CD79A: variants seen among roughly 807,000 people sequenced by gnomAD.
CD79A encodes CD79a molecule.
CD79A carries 16 observed loss-of-function variants against 27.4 expected under a neutral mutation model. The ratio of observed to expected loss-of-function variants is 0.58; its 90% CI spans 0.40 to 0.89. The LOEUF (loss-of-function observed/expected upper bound fraction) is 0.89, where lower values mean the gene tolerates loss of function less well. CD79A is among the 40% of genes least tolerant of loss of function. CD79A has a pLI of 0.00. For missense variants in CD79A, 237 were observed against 299.7 expected (o/e 0.79, Z 1.55); for synonymous variants, 110 against 132.7 (o/e 0.83, Z 1.18).
In CD79A at chr19:41,877,928, T is replaced by A. The variant is rs1404713805; in HGVS notation, c.79+545T>A. Among the ~76,000 whole-genome samples, 3 of 152,126 alleles carry A rather than the reference T, an allele frequency of 2.0e-5. No individual in the cohort carries two copies. Among genetic ancestry groups the A allele is most frequent in the Non-Finnish European group, 4.4e-5 (3 of 67,988 alleles). ...AAAGGTTCCCCACCCAAGGGGACAC[T>A]GGGAGCAAGGATTGGAGTTCACGTC... On this transcript the variant is annotated intron_variant, in intron 1 of 4. Coordinates refer to ENST00000221972, the MANE Select transcript of CD79A (RefSeq NM_001783.4). This position sits in a 1 kb window ranked among gnomAD's most constrained non-coding sequence, Gnocchi z 4.1.
At position 41,877,973 on chromosome 19, in the gene CD79A, G is replaced by A. The variant is rs141354284; in HGVS notation, c.79+590G>A. 2.8e-4 allele frequency among the ~76,000 whole-genome samples: 43 copies of A among 152,254 alleles called. No individual in the cohort carries two copies. In the East Asian group the frequency reaches 7.5e-3, roughly 27 times the overall value. ...CACGTCTGAGTCTTAAGCCCGTGAC[G>A]ATGAGGGTGCTCGGCCCCTCTCCCC... On this transcript the variant is annotated intron_variant, in intron 1 of 4. Coordinates refer to ENST00000221972, the MANE Select transcript of CD79A (RefSeq NM_001783.4). The surrounding 1 kb of genome is among the most constrained non-coding windows in gnomAD (Gnocchi z 4.1).
chr19:41,879,396 G>C lies in CD79A; in HGVS notation c.379+107G>C, dbSNP rs138971268. The C allele has an allele frequency of 2.0e-5, 26 of 1,299,682 alleles. No individual in the cohort carries two copies. In the African/African-American group the frequency reaches 2.9e-4, roughly 15 times the overall value. 80.5% of individuals were successfully genotyped at this position (1,299,682 alleles called of 1,614,324 possible). ...TACCTTCAATGTGGGTTTCAAACCG[G>C]CTTGGACAGAGGGACGGACATTCTC... On this transcript the variant is annotated intron_variant, in intron 2 of 4. Coordinates refer to ENST00000221972, the MANE Select transcript of CD79A (RefSeq NM_001783.4). The surrounding 1 kb of genome is among the most constrained non-coding windows in gnomAD (Gnocchi z 5.1).
Position 41,880,752 on chromosome 19 carries a change from G to A in CD79A, c.567+14G>A. Reference sequence around the variant, plus strand: ...AACCTTTATGAAGTGAGTGAAGGGTGGGGATGGGGTAGGGGCAGTTGTGTT... The same window carrying A: ...AACCTTTATGAAGTGAGTGAAGGGTAGGGATGGGGTAGGGGCAGTTGTGTT... On this transcript the variant is annotated intron_variant, in intron 4 of 4. Transcript: ENST00000221972. The A allele has an allele frequency of 1.3e-6, 2 of 1,546,060 alleles. No homozygotes were observed. The highest frequency in any genetic ancestry group is 1.8e-6 in the Non-Finnish European group (2 of 1,142,016).
rs2074222233 is a variant in CD79A at position 41,881,133 on chromosome 19, C to T, written c.*153C>T. 1 of 688,066 alleles carries T rather than the reference C, an allele frequency of 1.5e-6. No homozygotes were observed. The highest frequency in any genetic ancestry group is 2.6e-6 in the Non-Finnish European group (1 of 379,602). The allele number at this position is 688,066 out of a possible 1,614,324, so 42.6% of individuals were successfully genotyped here. On this transcript the variant is annotated 3_prime_UTR_variant, in exon 5 of 5. Transcript: ENST00000221972. ...GGTGGGAGGGTAACCTCACTCTTCT[C>T]CAGGCCAGGCCTCCTTGGACTCCCC... is the stretch of plus-strand genomic sequence containing the variant.
At position 41,878,027 on chromosome 19, in the gene CD79A, TC is replaced by T. The variant is rs1555843230; in HGVS notation, c.79+647del. Among the ~76,000 whole-genome samples the T allele has an allele frequency of 6.6e-6, 1 of 152,012 alleles. No homozygotes were observed. The highest frequency in any genetic ancestry group is 2.4e-5 in the African/African-American group (1 of 41,380). ...TCTTCCTCCTTCTCTCTTCCTCACC[TC>T]CCTCCTCCACCTACCTCCAGAAGAG... On this transcript the variant is annotated intron_variant, in intron 1 of 4. Transcript: ENST00000221972. This position sits in a 1 kb window ranked among gnomAD's most constrained non-coding sequence, Gnocchi z 4.3.
Position 41,878,305 on chromosome 19 carries a change from T to C in CD79A, c.80-685T>C, listed in dbSNP as rs782223887. On this transcript the variant is annotated intron_variant, in intron 1 of 4. Transcript: ENST00000221972. This position sits in a 1 kb window ranked among gnomAD's most constrained non-coding sequence, Gnocchi z 4.3. ...TCACAGGCCAGGGCAGGCCACAGAC[T>C]GGCTCCTCAGCCCAGGCAGGGAGAG... Among the ~76,000 whole-genome samples the C allele has an allele frequency of 6.6e-6, 1 of 152,160 alleles. No individual in the cohort carries two copies. Among genetic ancestry groups the C allele is most frequent in the Non-Finnish European group, 1.5e-5 (1 of 68,018 alleles).
At position 41,879,721 on chromosome 19, in the gene CD79A, T is replaced by C. The variant is rs113506927; in HGVS notation, c.498+68T>C. The C allele has an allele frequency of 7.9e-4, 821 of 1,042,852 alleles. 2 individuals are homozygous for C. In the African/African-American group the frequency reaches 0.012, roughly 15 times the overall value. 64.6% of individuals were successfully genotyped at this position (1,042,852 alleles called of 1,614,324 possible). On this transcript the variant is annotated intron_variant, in intron 3 of 4. Coordinates refer to ENST00000221972, the MANE Select transcript of CD79A (RefSeq NM_001783.4). This position sits in a 1 kb window ranked among gnomAD's most constrained non-coding sequence, Gnocchi z 5.1. ...GGCCGAGGGACCCCCAATACCCAGGTAGCCCTCTAGAGCCTGAGGTTCCCC... is the reference window on the plus strand; with the variant it reads ...GGCCGAGGGACCCCCAATACCCAGGCAGCCCTCTAGAGCCTGAGGTTCCCC...
At position 41,878,583 on chromosome 19, in the gene CD79A, G is replaced by C. The variant is rs1000345480; in HGVS notation, c.80-407G>C. Among the ~76,000 whole-genome samples the C allele has an allele frequency of 7.2e-5, 11 of 152,182 alleles. No homozygotes were observed. Among genetic ancestry groups the C allele is most frequent in the African/African-American group, 2.7e-4 (11 of 41,432 alleles). ...GCCTGCACTGCTTCTGGAAGGAGCT[G>C]TCTGGACAGCGGTCCTCCAGTGCCT... On this transcript the variant is annotated intron_variant, in intron 1 of 4. Transcript: ENST00000221972. The surrounding 1 kb of genome is among the most constrained non-coding windows in gnomAD (Gnocchi z 4.3).
chr19:41,878,145 C>T lies in CD79A; in HGVS notation c.79+762C>T, dbSNP rs1371371744. On this transcript the variant is annotated intron_variant, in intron 1 of 4. Coordinates refer to ENST00000221972, the MANE Select transcript of CD79A (RefSeq NM_001783.4). The surrounding 1 kb of genome is among the most constrained non-coding windows in gnomAD (Gnocchi z 4.3). ...GCAGCCAGCCTGAGCCGCCTCGTCT[C>T]ACTCAGAGACACCCCCAGTCTCCAC... Among the ~76,000 whole-genome samples the T allele has an allele frequency of 6.6e-6, 1 of 152,084 alleles. No individual in the cohort carries two copies. Among genetic ancestry groups the T allele is most frequent in the Non-Finnish European group, 1.5e-5 (1 of 68,024 alleles).
rs2123301467 is a variant in CD79A at position 41,877,328 on chromosome 19, C to T, written c.24C>T (p.Leu8=). 1 of 1,614,180 alleles carries T rather than the reference C, an allele frequency of 6.2e-7. No homozygotes were observed. The highest frequency in any genetic ancestry group is 8.5e-7 in the Non-Finnish European group (1 of 1,180,010). The part of the protein sequence containing the change: MPGGPGV[L]QALPATIFLL... ...AGATGCCTGGGGGTCCAGGAGTCCTCCAAGCTCTGCCTGCCACCATCTTCC... is the reference window on the plus strand; with the variant it reads ...AGATGCCTGGGGGTCCAGGAGTCCTTCAAGCTCTGCCTGCCACCATCTTCC... Residue 8 remains leucine, a synonymous_variant, in exon 1 of 5, where the codon CTC becomes CTT. Coordinates refer to ENST00000221972, the MANE Select transcript of CD79A (RefSeq NM_001783.4). The surrounding 1 kb of genome is among the most constrained non-coding windows in gnomAD (Gnocchi z 4.1).
At position 41,880,721 on chromosome 19, in the gene CD79A, G is replaced by C. The variant is rs1555844087; in HGVS notation, c.550G>C (p.Asp184His). 6.1e-6 allele frequency: 8 copies of C among 1,312,648 alleles called. No individual in the cohort carries two copies. The highest frequency in any genetic ancestry group is 8.0e-6 in the Non-Finnish European group (8 of 995,916). 81.3% of individuals were successfully genotyped at this position (1,312,648 alleles called of 1,614,324 possible). Reference sequence around the variant, plus strand: ...GTTGGATGCCGGGGATGAATATGAAGATGAAAACCTTTATGAAGTGAGTGA... The same window carrying C: ...GTTGGATGCCGGGGATGAATATGAACATGAAAACCTTTATGAAGTGAGTGA... ...LGLDAGDEYEDENLYEGLNLD... is the reference protein window; with the variant it reads ...LGLDAGDEYEHENLYEGLNLD... Residue 184 changes from aspartate (D) to histidine (H), a missense_variant, in exon 4 of 5, where the codon GAT becomes CAT. By Grantham distance (81) the Asp-to-His change is moderately conservative. Coordinates refer to ENST00000221972, the MANE Select transcript of CD79A (RefSeq NM_001783.4).
rs1298033011 is a variant in CD79A, at chr19:41,878,775, C to T, written c.80-215C>T. Among the ~76,000 whole-genome samples the T allele has an allele frequency of 6.6e-6, 1 of 152,056 alleles. No homozygotes were observed. Among genetic ancestry groups the T allele is most frequent in the Admixed American group, 6.6e-5 (1 of 15,264 alleles). ...CCAGGATATCCTCACCCACCCCAAC[C>T]AGGTATGTCCTCTCTCCTTCCCAGG... On this transcript the variant is annotated intron_variant, in intron 1 of 4. Coordinates refer to ENST00000221972, the MANE Select transcript of CD79A (RefSeq NM_001783.4). This position sits in a 1 kb window ranked among gnomAD's most constrained non-coding sequence, Gnocchi z 4.3.
chr19:41,879,521 C>G lies in CD79A; in HGVS notation c.380-14C>G. On this transcript the variant is annotated splice_polypyrimidine_tract_variant and intron_variant, in intron 2 of 4. Coordinates refer to ENST00000221972, the MANE Select transcript of CD79A (RefSeq NM_001783.4). The surrounding 1 kb of genome is among the most constrained non-coding windows in gnomAD (Gnocchi z 5.1). The stretch of plus-strand genomic sequence containing the variant: ...AGAGGGGCCAGGGCTCTGAGCCATA[C>G]TACCTCCTTGCAGAGCCGCCCCCCA... The G allele has an allele frequency of 6.4e-7, 1 of 1,569,540 alleles. No homozygotes were observed. Among genetic ancestry groups the G allele is most frequent in the Non-Finnish European group, 8.7e-7 (1 of 1,145,720 alleles).
chr19:41,880,806 G>A, intron 4 of CD79A, 61 bp from the exon 5 acceptor site: 1 of 1,495,104 alleles, frequency 6.7e-7, no homozygotes, highest in Non-Finnish European at 9.2e-7. Context: ...TCTGGGGGTG[G>A]CTGGGGGCAG....
At position 41,877,881 on chromosome 19, in the gene CD79A, G is replaced by A. The variant is rs1229517964; in HGVS notation, c.79+498G>A. The stretch of plus-strand genomic sequence containing the variant: ...GACAGCTGGCAGGGGCTGTGGCCAC[G>A]CTAACCCAGGAGTTCAGAGAAAAAG... On this transcript the variant is annotated intron_variant, in intron 1 of 4. Transcript: ENST00000221972. This position sits in a 1 kb window ranked among gnomAD's most constrained non-coding sequence, Gnocchi z 4.1. Among the ~76,000 whole-genome samples, 5 of 152,244 alleles carry A rather than the reference G, an allele frequency of 3.3e-5. No individual in the cohort carries two copies. The highest frequency in any genetic ancestry group is 2.1e-4 in the South Asian group (1 of 4,820).
rs1196784671 is a variant in CD79A, at chr19:41,879,938, C to T, written c.498+285C>T. The stretch of plus-strand genomic sequence containing the variant: ...ATTCTTCTCCCTAAGAGTGTCCTCA[C>T]TCCCCTCCTGCCCTCACCCAGGAGT... On this transcript the variant is annotated intron_variant, in intron 3 of 4. Coordinates refer to ENST00000221972, the MANE Select transcript of CD79A (RefSeq NM_001783.4). This position sits in a 1 kb window ranked among gnomAD's most constrained non-coding sequence, Gnocchi z 5.1. Among the ~76,000 whole-genome samples, 2 of 152,158 alleles carry T rather than the reference C, an allele frequency of 1.3e-5. No homozygotes were observed. The highest frequency in any genetic ancestry group is 3.9e-4 in the East Asian group (2 of 5,194).
At position 41,879,608 on chromosome 19, in the gene CD79A, C is replaced by T. The variant is rs1349692713; in HGVS notation, c.453C>T (p.Ile151=). Residue 151 remains isoleucine (I), a synonymous_variant, in exon 3 of 5, where the codon ATC becomes ATT. Transcript: ENST00000221972. This position sits in a 1 kb window ranked among gnomAD's most constrained non-coding sequence, Gnocchi z 5.1. ...KNRIITAEGI[I]LLFCAVVPGT... ...GAATCATCACAGCCGAGGGGATCAT[C>T]CTCCTGTTCTGCGCGGTGGTGCCTG... The T allele has an allele frequency of 4.3e-6, 7 of 1,612,336 alleles. No homozygotes were observed. Among genetic ancestry groups the T allele is most frequent in the Admixed American group, 1.7e-5 (1 of 59,852 alleles).
rs547270982 is a variant in CD79A at position 41,878,686 on chromosome 19, C to T, written c.80-304C>T. ...TATGCGGGAGGGGGGCAAGAGATGGCGCTGCAGAGGTGAGAAGGGCCTCCC... is the reference window on the plus strand; with the variant it reads ...TATGCGGGAGGGGGGCAAGAGATGGTGCTGCAGAGGTGAGAAGGGCCTCCC... On this transcript the variant is annotated intron_variant, in intron 1 of 4. Transcript: ENST00000221972. The surrounding 1 kb of genome is among the most constrained non-coding windows in gnomAD (Gnocchi z 4.3). Among the ~76,000 whole-genome samples, 3 of 152,034 alleles carry T rather than the reference C, an allele frequency of 2.0e-5. No individual in the cohort carries two copies. Among genetic ancestry groups the T allele is most frequent in the African/African-American group, 2.4e-5 (1 of 41,360 alleles).
rs2074223070 is a variant in CD79A at position 41,881,232 on chromosome 19, C to G, written c.*252C>G. On this transcript the variant is annotated 3_prime_UTR_variant, in exon 5 of 5. Transcript: ENST00000221972. Reference sequence around the variant, plus strand: ...TAATCCCCCCGCCCCGCTGCCTTTCCCAGGCTCCCCTCACCCCAGCGGGTA... The same window carrying G: ...TAATCCCCCCGCCCCGCTGCCTTTCGCAGGCTCCCCTCACCCCAGCGGGTA... The G allele has an allele frequency of 3.5e-6, 2 of 576,304 alleles. No individual in the cohort carries two copies. Among genetic ancestry groups the G allele is most frequent in the Non-Finnish European group, 6.3e-6 (2 of 319,840 alleles). The allele number at this position is 576,304 out of a possible 1,614,324, so 35.7% of individuals were successfully genotyped here. A position where few individuals can be genotyped will look rare whatever the true frequency, so the allele number is the denominator to read the frequency against.
Sources: allele counts gnomAD v4.1 joint callset (sites outside exome capture counted in the v4.1 genomes callset), GRCh38; gene constraint gnomAD v4.1.1; non-coding constraint Gnocchi (gnomAD v3.1); transcripts MANE v1.5; gene names NCBI Gene and HGNC (gene_info 2026-07-23, HGNC 2026-07-21).